SNTB1: variants seen among roughly 807,000 people sequenced by gnomAD.
SNTB1 encodes the protein beta-1-syntrophin.
A neutral mutation model predicts 48.9 loss-of-function variants in SNTB1; 36 were observed. The ratio of observed to expected loss-of-function variants is 0.74; its 90% CI spans 0.56 to 0.97. The LOEUF (loss-of-function observed/expected upper bound fraction) is 0.97, where lower values mean the gene tolerates loss of function less well. Ranked by LOEUF, SNTB1 falls within the 50% of genes least tolerant of loss-of-function variation. SNTB1 has a pLI of 0.00. For synonymous variants in SNTB1, 299 were observed against 294.6 expected, an observed-to-expected ratio of 1.01 and a Z score of -0.15; for missense variants, 786 against 703.4, an observed-to-expected ratio of 1.12 and a Z score of -1.33.
rs200908134 is a variant in SNTB1, at chr8:120,632,662, A to G, written c.789-11T>C. 1.2e-6 allele frequency: 2 copies of G among 1,613,516 alleles called. No homozygotes were observed. The highest frequency in any genetic ancestry group is 2.7e-5 in the African/African-American group (2 of 75,038). On this transcript the variant is annotated splice_polypyrimidine_tract_variant and intron_variant, in intron 2 of 6. Coordinates refer to ENST00000517992, the MANE Select transcript of SNTB1 (RefSeq NM_021021.4). The stretch of plus-strand genomic sequence containing the variant: ...TGGATTTCAAGCTGCCTAGAGGAGC[A>G]CAGAGAGAAGGGTTAGAAAGTTTCC...
At chr8:120,661,574 C>T (rs1405546473) in intron 2 of SNTB1, among the ~76,000 whole-genome samples, 1 of 152,154 alleles carries the variant, frequency 6.6e-6, no homozygotes, top group African/African-American at 2.4e-5. Context: ...TTGTTTGCTG[C>T]ACCTATCAAC....
intron 2 of SNTB1, among the ~76,000 whole-genome samples, chr8:120,677,348 G>A (rs1817854080): frequency 6.6e-6 from 1 of 152,162 alleles, no homozygotes. Flanking sequence ...GTGATTCAAG[G>A]CCTGTCTCTG....
chr8:120,560,970 C>T (rs2130667271), intron 4 of SNTB1, among the ~76,000 whole-genome samples: 1 of 152,190 alleles, frequency 6.6e-6, no homozygotes, highest in Non-Finnish European at 1.5e-5. Flanking sequence ...AGAGTCCATA[C>T]TCTTTCTATC....
At chr8:120,601,445 C>T (rs1364589123) in intron 3 of SNTB1, among the ~76,000 whole-genome samples, 2 of 152,180 alleles carry the variant, frequency 1.3e-5, no homozygotes, top group Admixed American at 6.5e-5. Flanking sequence ...GACATCCTTA[C>T]CCCGTACCTG....
chr8:120,780,015 CA>C (rs1400803659), intron 1 of SNTB1, among the ~76,000 whole-genome samples: 1 of 143,366 alleles, frequency 7.0e-6, no homozygotes, highest in Non-Finnish European at 1.5e-5. Context: ...GGATGTGTTG[CA>C]AAAAAGTAAC....
chr8:120,688,747 G>A (rs1194236856), intron 2 of SNTB1, among the ~76,000 whole-genome samples: 1 of 152,174 alleles, frequency 6.6e-6, no homozygotes, highest in Non-Finnish European at 1.5e-5. Context: ...AGGTAAAGAG[G>A]AGCTGGACAA....
At chr8:120,755,700 C>G (rs565667282) in intron 1 of SNTB1, among the ~76,000 whole-genome samples, 6 of 152,134 alleles carry the variant, frequency 3.9e-5, no homozygotes, top group Admixed American at 1.3e-4. Flanking sequence ...ATGCCAAATG[C>G]ATTTTCTCAC....
chr8:120,555,310 T>C (rs930084778), intron 4 of SNTB1, among the ~76,000 whole-genome samples: 4 of 152,184 alleles, frequency 2.6e-5, no homozygotes, highest in Admixed American at 6.5e-5. Context: ...TGGCAGCCAA[T>C]GTGCTGAATT....
intron 2 of SNTB1, among the ~76,000 whole-genome samples, chr8:120,657,172 C>CA (rs1207837905): frequency 6.6e-6 from 1 of 152,150 alleles, no homozygotes; most frequent in Non-Finnish European, 1.5e-5. Flanking sequence ...TGTTTTAATG[C>CA]AATCAATATC....
At chr8:120,555,594 A>T (rs1345603309) in intron 4 of SNTB1, among the ~76,000 whole-genome samples, 2 of 152,130 alleles carry the variant, frequency 1.3e-5, no homozygotes, top group African/African-American at 2.4e-5. Flanking sequence ...TTGCTTGTTT[A>T]TGTCTGCAGT....
chr8:120,640,820 G>A (rs2129670075), intron 2 of SNTB1, among the ~76,000 whole-genome samples: 1 of 152,280 alleles, frequency 6.6e-6, no homozygotes, highest in African/African-American at 2.4e-5. Context: ...GTTCATCAGG[G>A]ATATTGGTCT....
At chr8:120,555,588 T>C (rs774756064) in intron 4 of SNTB1, among the ~76,000 whole-genome samples, 5 of 152,232 alleles carry the variant, frequency 3.3e-5, no homozygotes, top group African/African-American at 4.8e-5. Flanking sequence ...CCCAGCTTGC[T>C]TGTTTATGTC....
chr8:120,647,525 G>C (rs1817319792), intron 2 of SNTB1, among the ~76,000 whole-genome samples: 2 of 149,194 alleles, frequency 1.3e-5, no homozygotes, highest in African/African-American at 5.0e-5. Flanking sequence ...ACTGTGGTCT[G>C]AGAGATAGTT....
At chr8:120,573,350 A>T (rs1477611684) in intron 4 of SNTB1, among the ~76,000 whole-genome samples, 3 of 152,224 alleles carry the variant, frequency 2.0e-5, no homozygotes, top group East Asian at 3.9e-4. Flanking sequence ...GGACATCTGT[A>T]TGTCTTCTTT....
intron 1 of SNTB1, among the ~76,000 whole-genome samples, chr8:120,771,216 G>C (rs1484287680): frequency 6.6e-6 from 1 of 152,158 alleles, no homozygotes; most frequent in Admixed American, 6.5e-5. Flanking sequence ...AAAAGAGAAA[G>C]GTCCAGGTAC....
At chr8:120,723,271 G>T (rs920981064) in intron 1 of SNTB1, among the ~76,000 whole-genome samples, 2 of 152,060 alleles carry the variant, frequency 1.3e-5, no homozygotes, top group East Asian at 3.9e-4. Flanking sequence ...AACAAAGCAG[G>T]TTTAAAGGAG....
intron 2 of SNTB1, among the ~76,000 whole-genome samples, chr8:120,634,266 T>C (rs1382270688): frequency 6.6e-6 from 1 of 152,250 alleles, no homozygotes; most frequent in Non-Finnish European, 1.5e-5. Flanking sequence ...ATTATCCATT[T>C]ATTAACTTCC....
chr8:120,628,313 C>G (rs1816918747), intron 3 of SNTB1, among the ~76,000 whole-genome samples: 1 of 152,180 alleles, frequency 6.6e-6, no homozygotes, highest in Admixed American at 6.5e-5. Flanking sequence ...TTTCTCTTAT[C>G]TGAAACGTAA....
At chr8:120,562,845 C>T (rs1306011498) in intron 4 of SNTB1, among the ~76,000 whole-genome samples, 2 of 151,894 alleles carry the variant, frequency 1.3e-5, no homozygotes, top group African/African-American at 2.4e-5. Context: ...TTTGTTCTTT[C>T]ACTCTTCACA....
Sources: gnomAD v4.1 joint callset for allele counts (sites outside exome capture counted in the v4.1 genomes callset) on GRCh38, gnomAD v4.1.1 for gene constraint, MANE v1.5 for transcripts, NCBI Gene and HGNC (gene_info 2026-07-23, HGNC 2026-07-21) for gene names.